Variants in CD8A observed in about 807,000 individuals in gnomAD.
CD8A encodes the protein CD8 subunit alpha, also known as T-cell surface glycoprotein CD8 alpha chain.
CD8A carries 25 observed loss-of-function variants against 24.2 expected under a neutral mutation model. That is an observed-to-expected ratio of 1.03 (90% CI 0.75 to 1.44). CD8A has a LOEUF of 1.44. CD8A is among the 40% of genes most tolerant of loss of function. The pLI is 0.00. For synonymous variants in CD8A, 165 were observed against 149.9 expected (o/e 1.10, Z -0.74); for missense variants, 360 against 319.7 (o/e 1.13, Z -0.96).
At chr2:86,789,960 C>T (rs1182566666) in intron 2 of CD8A, among the ~76,000 whole-genome samples, 1 of 151,734 alleles carries the variant, frequency 6.6e-6, no homozygotes, top group Admixed American at 6.6e-5. Context: ...CGCCCAGAGC[C>T]GGAGCGCAGG....
At chr2:86,803,195 G>A (rs570697690) in intron 2 of CD8A, among the ~76,000 whole-genome samples, 1 of 152,252 alleles carries the variant, frequency 6.6e-6, no homozygotes, top group South Asian at 2.1e-4. Flanking sequence ...CTAAAATGTG[G>A]TAGCAACCCA....
chr2:86,801,177 G>A (rs534074513), intron 3 of CD8A, among the ~76,000 whole-genome samples: 2 of 152,304 alleles, frequency 1.3e-5, no homozygotes, highest in South Asian at 4.1e-4. Context: ...AAGCCACCTA[G>A]TTTGTGGTAC....
chr2:86,790,849 T>G lies in CD8A; in HGVS notation c.-24A>C. On this transcript the variant is annotated 5_prime_UTR_variant, in exon 1 of 6. Transcript: ENST00000283635. Reference sequence around the variant, plus strand: ...ATGACGCGCTCCCCAGGACGCTGCTTGGCTCGAAGCTCGGGCGCGAGGGGA... The same window carrying G: ...ATGACGCGCTCCCCAGGACGCTGCTGGGCTCGAAGCTCGGGCGCGAGGGGA... 1 of 1,538,248 alleles carries G rather than the reference T, an allele frequency of 6.5e-7. No homozygotes were observed. The highest frequency in any genetic ancestry group is 8.7e-7 in the Non-Finnish European group (1 of 1,146,540).
intron 2 of CD8A, among the ~76,000 whole-genome samples, chr2:86,804,616 T>A (rs1290234009): frequency 6.6e-6 from 1 of 151,564 alleles, no homozygotes; most frequent in Non-Finnish European, 1.5e-5. Flanking sequence ...AGTATTATTA[T>A]TTTTTTTAGA....
chr2:86,791,613 C>A (rs1418073231), upstream of CD8A: 13 of 454,060 alleles, frequency 2.9e-5, no homozygotes, highest in Admixed American at 3.1e-4. Context: ...AATTATTATT[C>A]TCACAAAGGG....
At chr2:86,795,833 GAGAGAGTAA>G (rs890696062), upstream of CD8A, among the ~76,000 whole-genome samples, 96 of 152,010 alleles carry the variant, frequency 6.3e-4, no homozygotes, top group African/African-American at 2.1e-3. Context: ...CTCAGGAAAA[GAGAGAGTAA>G]AGAGAGGAAG....
At chr2:86,803,330 G>C (rs1293578190) in intron 2 of CD8A, among the ~76,000 whole-genome samples, 1 of 152,130 alleles carries the variant, frequency 6.6e-6, no homozygotes, top group Non-Finnish European at 1.5e-5. Context: ...GTTTATTGTA[G>C]CATTATTCAT....
intron 5 of CD8A, among the ~76,000 whole-genome samples, chr2:86,786,968 C>T (rs569876176): frequency 1.8e-3 from 200 of 111,366 alleles, no homozygotes; most frequent in African/African-American, 6.8e-3. Flanking sequence ...TGCAGTGAGC[C>T]GAGATCGCAC....
rs1382171849 is a variant in CD8A at position 86,789,621 on chromosome 2, G to C, written c.514+19C>G. 2 of 1,477,938 alleles carry C rather than the reference G, an allele frequency of 1.4e-6. No individual in the cohort carries two copies. Among genetic ancestry groups the C allele is most frequent in the South Asian group, 2.6e-5 (2 of 78,280 alleles). The allele number at this position is 1,477,938 out of a possible 1,614,324, so 91.6% of individuals were successfully genotyped here. A position where few individuals can be genotyped will look rare whatever the true frequency, so the allele number is the denominator to read the frequency against. On this transcript the variant is annotated intron_variant, in intron 3 of 5. Coordinates refer to ENST00000283635, the MANE Select transcript of CD8A (RefSeq NM_001768.7). The stretch of plus-strand genomic sequence containing the variant: ...CCGCGGTGCGTGCCGCCCCCGCCCC[G>C]GGCCCCCGCACGCCTCACCTGCGCC...
intron 2 of CD8A, among the ~76,000 whole-genome samples, chr2:86,806,566 C>T (rs1673905971): frequency 6.6e-6 from 1 of 152,218 alleles, no homozygotes; most frequent in Admixed American, 6.5e-5. Flanking sequence ...CTGCTCCCTC[C>T]ACACCTCAGA....
upstream of CD8A, chr2:86,791,793 C>A: frequency 2.5e-6 from 1 of 393,906 alleles, no homozygotes; most frequent in South Asian, 1.9e-5. Flanking sequence ...GGCTTGAAGT[C>A]ATTCAACCCC....
upstream of CD8A, chr2:86,791,668 T>G: frequency 2.2e-6 from 1 of 454,164 alleles, no homozygotes; most frequent in South Asian, 1.6e-5. Context: ...CCTGCATTGC[T>G]GGATGGAAAT....
chr2:86,804,133 C>T (rs1673764572), intron 2 of CD8A, among the ~76,000 whole-genome samples: 1 of 152,144 alleles, frequency 6.6e-6, no homozygotes, highest in African/African-American at 2.4e-5. Context: ...AGTATCCATT[C>T]TACTAAATAT....
At chr2:86,795,119 T>A (rs142376502), upstream of CD8A, among the ~76,000 whole-genome samples, 524 of 152,262 alleles carry the variant, frequency 3.4e-3, 1 homozygote, top group African/African-American at 0.012. Flanking sequence ...CCTGTCCAGC[T>A]TGACAACCAA....
intron 2 of CD8A, 118 bp downstream of exon 2, chr2:86,790,210 G>GTCC: frequency 1.3e-6 from 1 of 779,082 alleles, no homozygotes; most frequent in African/African-American, 1.7e-5. Flanking sequence ...AATGGGAACA[G>GTCC]TATCTAAGTC....
At position 86,786,052 on chromosome 2, in the gene CD8A, TC is replaced by T. The variant is rs1387332192; in HGVS notation, c.657-82del. The T allele has an allele frequency of 8.9e-6, 10 of 1,119,278 alleles. No individual in the cohort carries two copies. The Admixed American group carries it at 1.7e-4, about 19-fold the overall frequency. 69.3% of individuals were successfully genotyped at this position (1,119,278 alleles called of 1,614,324 possible). On this transcript the variant is annotated intron_variant, in intron 5 of 5. Transcript: ENST00000283635. ...CATCCAGCCACGTCCAGCCTCCCAA[TC>T]CCCCAGCCTTTGAAAGGTCTGAGAA...
At chr2:86,800,601 A>T (rs1673639740) in intron 3 of CD8A, among the ~76,000 whole-genome samples, 1 of 152,210 alleles carries the variant, frequency 6.6e-6, no homozygotes, top group Non-Finnish European at 1.5e-5. Flanking sequence ...TGAAAGAAGA[A>T]TGATGTCATT....
intron 3 of CD8A, among the ~76,000 whole-genome samples, chr2:86,801,035 A>T (rs2104458797): frequency 6.6e-6 from 1 of 152,296 alleles, no homozygotes; most frequent in South Asian, 2.1e-4. Flanking sequence ...GATTGCCAGC[A>T]ACTGACTAGA....
intron 2 of CD8A, 61 bp downstream of exon 2, chr2:86,790,267 A>G: frequency 8.1e-7 from 1 of 1,240,568 alleles, no homozygotes; most frequent in Non-Finnish European, 1.2e-6. Flanking sequence ...CAGGTGTGGA[A>G]AACAGGTTGA....
Sources: allele counts gnomAD v4.1 joint callset (sites outside exome capture counted in the v4.1 genomes callset), GRCh38; gene constraint gnomAD v4.1.1; transcripts MANE v1.5; gene names NCBI Gene and HGNC (gene_info 2026-07-23, HGNC 2026-07-21).